Variants in SIRT3 observed in about 807,000 individuals in gnomAD.
The protein encoded by SIRT3 is NAD-dependent protein deacetylase sirtuin-3, mitochondrial.
SIRT3 carries 26 observed loss-of-function variants against 33.5 expected under a neutral mutation model. The observed-to-expected ratio is 0.78, with a 90% CI of 0.57 to 1.08. The LOEUF is 1.08. Ranked by LOEUF, SIRT3 falls within the 50% of genes least tolerant of loss-of-function variation. The pLI is 0.00. For missense variants in SIRT3, 585 were observed against 530.1 expected, an observed-to-expected ratio of 1.10 and a Z score of -1.02; for synonymous variants, 237 against 222.1, an observed-to-expected ratio of 1.07 and a Z score of -0.60.
upstream of SIRT3, chr11:236,353 C>G (rs1333338320): frequency 8.0e-6 from 10 of 1,250,028 alleles, no homozygotes; most frequent in South Asian, 3.0e-5. Flanking sequence ...AAGGAGTCCT[C>G]CGGACTCGCC....
chr11:230,021 A>G (rs920249796), intron 4 of SIRT3, among the ~76,000 whole-genome samples: 1 of 152,170 alleles, frequency 6.6e-6, no homozygotes, highest in African/African-American at 2.4e-5. Context: ...CGAAGGAGCG[A>G]GAAACATTTT....
intron 6 of SIRT3, 151 bp from the exon 7 acceptor site, chr11:216,869 T>A: frequency 1.1e-6 from 1 of 874,642 alleles, no homozygotes; most frequent in Non-Finnish European, 1.9e-6. Context: ...TGTGCTGGGC[T>A]AAGAGGATCC....
intron 4 of SIRT3, among the ~76,000 whole-genome samples, chr11:224,512 G>A (rs747016285): frequency 2.6e-4 from 40 of 152,194 alleles, no homozygotes; most frequent in Non-Finnish European, 4.7e-4. Context: ...GGCATCTAGC[G>A]TATCTAACAC....
rs143632880 is a variant in SIRT3 at position 236,094 on chromosome 11, A to G, written c.235T>C (p.Phe79Leu). 8,837 of 1,563,580 alleles carry G rather than the reference A, an allele frequency of 5.7e-3. 33 individuals are homozygous for G. Among genetic ancestry groups the G allele is most frequent in the Non-Finnish European group, 6.6e-3 (7,604 of 1,155,364 alleles). ...RPPRPEVPRAFRRQPRAAAPS... is the reference protein window; with the variant it reads ...RPPRPEVPRALRRQPRAAAPS... ...GCTGCTGCCCTCGGCTGCCTCCGGA[A>G]TGCCCTGGGCACCTCGGGTCTGGGA... Residue 79 changes from phenylalanine (F) to leucine (L), a missense_variant, in exon 1 of 7, where the codon TTC becomes CTC. Transcript: ENST00000382743.
At chr11:229,608 C>T (rs1857632682) in intron 4 of SIRT3, among the ~76,000 whole-genome samples, 1 of 151,480 alleles carries the variant, frequency 6.6e-6, no homozygotes, top group South Asian at 2.1e-4. Flanking sequence ...ATACAAAAAA[C>T]ATTAGCTGGG....
At chr11:230,640 T>G in intron 3 of SIRT3, 88 bp from the exon 4 acceptor site, 4 of 879,854 alleles carry the variant, frequency 4.5e-6, no homozygotes, top group Non-Finnish European at 6.5e-6. Context: ...TTGGCAGGAC[T>G]CCTGGAAGGA....
chr11:235,295 T>C (rs1858831049), intron 1 of SIRT3, among the ~76,000 whole-genome samples: 1 of 152,104 alleles, frequency 6.6e-6, no homozygotes. Flanking sequence ...AGCCTTGAAC[T>C]CCTGGACTCA....
chr11:216,737 A>G lies in SIRT3; in HGVS notation c.1180-19T>C, dbSNP rs993033895. The G allele has an allele frequency of 6.2e-7, 1 of 1,614,030 alleles. No individual in the cohort carries two copies. ...CATCAAGCTGGAATACAGAAGACAGAGGGTATCAGCTATCTGTTTACACAC... is the reference window on the plus strand; with the variant it reads ...CATCAAGCTGGAATACAGAAGACAGGGGGTATCAGCTATCTGTTTACACAC... On this transcript the variant is annotated intron_variant, in intron 6 of 6. Coordinates refer to ENST00000382743, the MANE Select transcript of SIRT3 (RefSeq NM_012239.6).
chr11:217,372 C>T lies in SIRT3; in HGVS notation c.1180-654G>A, dbSNP rs145289093. Among the ~76,000 whole-genome samples, 692 of 152,344 alleles carry T rather than the reference C, an allele frequency of 4.5e-3. 8 individuals carry two copies. The highest frequency in any genetic ancestry group is 0.015 in the African/African-American group (624 of 41,576). On this transcript the variant is annotated intron_variant, in intron 6 of 6. Coordinates refer to ENST00000382743, the MANE Select transcript of SIRT3 (RefSeq NM_012239.6). Reference sequence around the variant, plus strand: ...GGCTGAGGCAGGAGAATCACTTGAACCCAGGAGGCAGGGCTGCAGTGAGCC... The same window carrying T: ...GGCTGAGGCAGGAGAATCACTTGAATCCAGGAGGCAGGGCTGCAGTGAGCC...
intron 5 of SIRT3, chr11:222,699 C>A (rs1015898200): frequency 6.6e-6 from 1 of 152,528 alleles, no homozygotes; most frequent in African/African-American, 2.4e-5. Flanking sequence ...AACCCATTCA[C>A]CTTCTGAGGT....
chr11:218,057 C>CT (rs1486616821), intron 6 of SIRT3, among the ~76,000 whole-genome samples: 1 of 152,122 alleles, frequency 6.6e-6, no homozygotes, highest in Non-Finnish European at 1.5e-5. Context: ...ATTGTGAGGC[C>CT]CCCACAGCCA....
chr11:219,251 T>A (rs1421871284), intron 5 of SIRT3, among the ~76,000 whole-genome samples: 1 of 152,182 alleles, frequency 6.6e-6, no homozygotes, highest in Non-Finnish European at 1.5e-5. Context: ...CCTCTCTCTC[T>A]CTCTCCCACT....
rs187876633 is a variant in SIRT3 at position 219,423 on chromosome 11, T to C, written c.970-382A>G. Among the ~76,000 whole-genome samples the C allele has an allele frequency of 1.2e-3, 181 of 152,248 alleles. 1 individual carries two copies. The highest frequency in any genetic ancestry group is 3.9e-3 in the African/African-American group (163 of 41,542). On this transcript the variant is annotated intron_variant, in intron 5 of 6. Coordinates refer to ENST00000382743, the MANE Select transcript of SIRT3 (RefSeq NM_012239.6). ...GCAGAGGGACAACAGCACAGACTCG[T>C]CCATCTCCTCTGGCTAGCCCTGCTT... is the stretch of plus-strand genomic sequence containing the variant.
At chr11:221,176 T>TG (rs1238871609) in intron 5 of SIRT3, among the ~76,000 whole-genome samples, 2 of 152,370 alleles carry the variant, frequency 1.3e-5, no homozygotes, top group East Asian at 3.9e-4. Flanking sequence ...TGGAATGCAG[T>TG]GGCATGATCA....
chr11:228,244 C>CA (rs34218345), intron 4 of SIRT3, among the ~76,000 whole-genome samples: 23,771 of 152,222 alleles, frequency 0.16, 2,352 homozygotes, highest in Middle Eastern at 0.22. Context: ...CAGAACCCAG[C>CA]AAAGGGCCTG....
At position 223,726 on chromosome 11, in the gene SIRT3, C is replaced by T. The variant is rs751610224; in HGVS notation, c.969+352G>A. 1.2e-6 allele frequency: 1 copy of T among 821,068 alleles called. No individual in the cohort carries two copies. Among genetic ancestry groups the T allele is most frequent in the African/African-American group, 1.7e-5 (1 of 57,700 alleles). The allele number at this position is 821,068 out of a possible 1,614,324, so 50.9% of individuals were successfully genotyped here. On this transcript the variant is annotated intron_variant, in intron 5 of 6. Coordinates refer to ENST00000382743, the MANE Select transcript of SIRT3 (RefSeq NM_012239.6). The surrounding 1 kb of genome is among the most constrained non-coding windows in gnomAD (Gnocchi z 4.8). ...TGTCTCCTGCACAGGCTGCTGCTCC[C>T]TCAGCCTGGAACCCCAGCTGAATCC...
intron 4 of SIRT3, 84 bp downstream of exon 4, chr11:230,368 C>T (rs536715): frequency 0.14 from 98,496 of 708,450 alleles, 8,677 homozygotes; most frequent in East Asian, 0.41. Context: ...ACTGTCCTTT[C>T]GAGACAATGC....
At chr11:221,574 T>C (rs918462290) in intron 5 of SIRT3, among the ~76,000 whole-genome samples, 3 of 152,244 alleles carry the variant, frequency 2.0e-5, no homozygotes, top group African/African-American at 4.8e-5. Context: ...ATCATATGGT[T>C]TACATCCCAC....
intron 5 of SIRT3, among the ~76,000 whole-genome samples, chr11:221,755 A>G (rs1199106339): frequency 6.6e-6 from 1 of 152,224 alleles, no homozygotes; most frequent in Non-Finnish European, 1.5e-5. Context: ...ATATCCGTGT[A>G]AGGGAAACTG....
Sources: gnomAD v4.1 joint callset for allele counts (sites outside exome capture counted in the v4.1 genomes callset) on GRCh38, gnomAD v4.1.1 for gene constraint, Gnocchi (gnomAD v3.1) non-coding constraint, MANE v1.5 for transcripts, NCBI Gene and HGNC (gene_info 2026-07-23, HGNC 2026-07-21) for gene names.